The following KCNC2 variants were observed in gnomAD, a reference collection of about 807,000 sequenced individuals.
KCNC2 encodes voltage-gated potassium channel KCNC2.
KCNC2 carries 21 observed loss-of-function variants against 44.5 expected under a neutral mutation model. That is an observed-to-expected ratio of 0.47 (90% confidence interval 0.33 to 0.68). The LOEUF is 0.68. Ranked by LOEUF, KCNC2 falls within the 30% of genes least tolerant of loss-of-function variation. KCNC2 has a pLI of 0.01. For missense variants in KCNC2, 589 were observed against 826.2 expected (o/e 0.71, Z 3.52); for synonymous variants, 391 against 339.1 (o/e 1.15, Z -1.68).
In KCNC2 at chr12:75,042,639, G is replaced by T; in HGVS notation, c.*466C>A. The T allele has an allele frequency of 1.6e-6, 2 of 1,238,652 alleles. No individual in the cohort carries two copies. The highest frequency in any genetic ancestry group is 2.0e-6 in the Non-Finnish European group (2 of 988,210). The allele number at this position is 1,238,652 out of a possible 1,614,324, so 76.7% of individuals were successfully genotyped here. On this transcript the variant is annotated 3_prime_UTR_variant, in exon 5 of 5. Transcript: ENST00000549446. ...CCGAACTCTGCAACATTGCTTTCAG[G>T]TGATAGAGACAAGATGGTCCATGCA...
chr12:75,162,913 CT>C (rs1465394504), intron 2 of KCNC2, among the ~76,000 whole-genome samples: 1 of 151,718 alleles, frequency 6.6e-6, no homozygotes, highest in Non-Finnish European at 1.5e-5. Context: ...CCTGCTTCCT[CT>C]TTATTTCCTG....
chr12:75,199,541 A>C (rs1009032924), intron 2 of KCNC2, among the ~76,000 whole-genome samples: 3 of 151,948 alleles, frequency 2.0e-5, no homozygotes, highest in Non-Finnish European at 4.4e-5. Context: ...ACACTGCTTT[A>C]CATTCCCATC....
chr12:75,150,669 C>A (rs1048710888), intron 2 of KCNC2, among the ~76,000 whole-genome samples: 1 of 151,828 alleles, frequency 6.6e-6, no homozygotes, highest in East Asian at 1.9e-4. Context: ...TCTGCCTATA[C>A]TATGAAATAC....
intron 2 of KCNC2, among the ~76,000 whole-genome samples, chr12:75,074,232 A>AT (rs5799196): frequency 0.088 from 8,279 of 94,540 alleles, 280 homozygotes; most frequent in African/African-American, 0.1. Flanking sequence ...CTACTCATAG[A>AT]TTTTTTTTTT....
chr12:75,090,748 T>G (rs766093426), intron 2 of KCNC2, among the ~76,000 whole-genome samples: 4 of 151,414 alleles, frequency 2.6e-5, no homozygotes, highest in Non-Finnish European at 5.9e-5. Context: ...AATTAAAGCA[T>G]GTAGCAAATT....
At chr12:75,047,797 A>T (rs181781251) in intron 4 of KCNC2, among the ~76,000 whole-genome samples, 6 of 152,198 alleles carry the variant, frequency 3.9e-5, no homozygotes, top group African/African-American at 1.4e-4. Flanking sequence ...CCAATTAGTG[A>T]GTTTTATTTT....
rs1226398023 is a variant in KCNC2 at position 75,138,777 on chromosome 12, A to G, written c.687+68520T>C. Among the ~76,000 whole-genome samples, 6 of 151,974 alleles carry G rather than the reference A, an allele frequency of 3.9e-5. No homozygotes were observed. The East Asian group carries it at 1.2e-3, about 30-fold the overall frequency. ...GGTCAGATCACGAGGTCAGGAAATCAAGACCATCCTGGTTAACACGGTGAA... is the reference window on the plus strand; with the variant it reads ...GGTCAGATCACGAGGTCAGGAAATCGAGACCATCCTGGTTAACACGGTGAA... On this transcript the variant is annotated intron_variant, in intron 2 of 4. Coordinates refer to ENST00000549446, the MANE Select transcript of KCNC2 (RefSeq NM_139137.4).
chr12:75,173,465 G>C (rs1891968733), intron 2 of KCNC2, among the ~76,000 whole-genome samples: 1 of 151,706 alleles, frequency 6.6e-6, no homozygotes, highest in South Asian at 2.1e-4. Context: ...CTACTCCATA[G>C]TTCCTCATTT....
intron 2 of KCNC2, chr12:75,124,214 C>G (rs1437300707): frequency 6.6e-6 from 1 of 152,162 alleles, no homozygotes; most frequent in Non-Finnish European, 1.5e-5. Context: ...TATGATTAAT[C>G]TAGGGGATTT....
chr12:75,042,807 G>A lies in KCNC2; in HGVS notation c.*298C>T, dbSNP rs1357323122. On this transcript the variant is annotated 3_prime_UTR_variant, in exon 5 of 5. Coordinates refer to ENST00000549446, the MANE Select transcript of KCNC2 (RefSeq NM_139137.4). ...CTGTTTTAAATATATCTCCCTGAAG[G>A]TATGTTTATATATTAGTGCACTGGT... 1 of 1,195,590 alleles carries A rather than the reference G, an allele frequency of 8.4e-7. No individual in the cohort carries two copies. The highest frequency in any genetic ancestry group is 4.1e-5 in the Admixed American group (1 of 24,116). The allele number at this position is 1,195,590 out of a possible 1,614,324, so 74.1% of individuals were successfully genotyped here. A position where few individuals can be genotyped will look rare whatever the true frequency, so the allele number is the denominator to read the frequency against.
chr12:75,147,286 GGA>G (rs1890090812), intron 2 of KCNC2, among the ~76,000 whole-genome samples: 1 of 151,992 alleles, frequency 6.6e-6, no homozygotes, highest in Non-Finnish European at 1.5e-5. Flanking sequence ...CCAAATAAAT[GGA>G]GAATTTTTTT....
At chr12:75,173,263 G>A (rs1204045793) in intron 2 of KCNC2, among the ~76,000 whole-genome samples, 1 of 151,798 alleles carries the variant, frequency 6.6e-6, no homozygotes, top group Admixed American at 6.6e-5. Context: ...GTCAATTATA[G>A]TTCTAAAATT....
rs372364104 is a variant in KCNC2, at chr12:75,051,003, C to T, written c.1002G>A (p.Gly334=). The T allele has an allele frequency of 2.7e-5, 44 of 1,613,612 alleles. No individual in the cohort carries two copies. Among genetic ancestry groups the T allele is most frequent in the Non-Finnish European group, 1.7e-6 (2 of 1,179,790 alleles). Residue 334 remains glycine (G), a synonymous_variant, in exon 3 of 5, where the codon GGG becomes GGA. Transcript: ENST00000549446. ...CATCTTTAGCAGCTTTGGATGACAGCCCACTGAGTCCCACCTCTAAGTAGA... is the reference window on the plus strand; with the variant it reads ...CATCTTTAGCAGCTTTGGATGACAGTCCACTGAGTCCCACCTCTAAGTAGA... ...LPFYLEVGLS[G]LSSKAAKDVL...
At chr12:75,126,787 T>C (rs1174223536) in intron 2 of KCNC2, among the ~76,000 whole-genome samples, 4 of 152,264 alleles carry the variant, frequency 2.6e-5, no homozygotes, top group East Asian at 1.9e-4. Flanking sequence ...ATATTTGTTA[T>C]ACAAATATTA....
At chr12:75,095,002 C>T (rs1885802060) in intron 2 of KCNC2, among the ~76,000 whole-genome samples, 2 of 151,772 alleles carry the variant, frequency 1.3e-5, no homozygotes, top group South Asian at 4.1e-4. Context: ...CTTCTAATGT[C>T]CCTTTGATAT....
rs1317909736 is a variant in KCNC2, at chr12:75,168,814, T to C, written c.687+38483A>G. 2.0e-5 allele frequency among the ~76,000 whole-genome samples: 3 copies of C among 151,676 alleles called. No homozygotes were observed. The East Asian group carries it at 5.8e-4, about 30-fold the overall frequency. On this transcript the variant is annotated intron_variant, in intron 2 of 4. Transcript: ENST00000549446. ...CTAGAATCTGGTCAAATATATTTAA[T>C]TTGAACAAAATGAATAATAGAAATC...
At position 75,165,601 on chromosome 12, in the gene KCNC2, C is replaced by A. The variant is rs1891396978; in HGVS notation, c.687+41696G>T. Among the ~76,000 whole-genome samples, 3 of 151,268 alleles carry A rather than the reference C, an allele frequency of 2.0e-5. No homozygotes were observed. In the South Asian group the frequency reaches 6.3e-4, roughly 32 times the overall value. On this transcript the variant is annotated intron_variant, in intron 2 of 4. Transcript: ENST00000549446. The stretch of plus-strand genomic sequence containing the variant: ...TACATATTTATTTTTCTAATATATT[C>A]TACCTCTTCTAAATATGGAGAACAA...
chr12:75,061,901 T>C (rs1310537430), intron 2 of KCNC2, among the ~76,000 whole-genome samples: 1 of 152,102 alleles, frequency 6.6e-6, no homozygotes. Flanking sequence ...AATTAAGGGC[T>C]ATGCCACTGA....
At chr12:75,116,291 GA>G (rs1408191195) in intron 2 of KCNC2, among the ~76,000 whole-genome samples, 1 of 152,032 alleles carries the variant, frequency 6.6e-6, no homozygotes, top group African/African-American at 2.4e-5. Flanking sequence ...ACTCAGCTGG[GA>G]AATCTCATAC....
Sources: allele counts gnomAD v4.1 joint callset (sites outside exome capture counted in the v4.1 genomes callset), GRCh38; gene constraint gnomAD v4.1.1; transcripts MANE v1.5; gene names NCBI Gene and HGNC (gene_info 2026-07-23, HGNC 2026-07-21).